The following THSD7B variants were observed in gnomAD, a reference collection of about 807,000 sequenced individuals.
THSD7B encodes the protein thrombospondin type 1 domain containing 7B.
In THSD7B, 138 loss-of-function variants were observed where a neutral mutation model predicts 213.6. That is an observed-to-expected ratio of 0.65 (90% confidence interval 0.56 to 0.74). The LOEUF (loss-of-function observed/expected upper bound fraction) is 0.74, where lower values mean the gene tolerates loss of function less well. Ranked by LOEUF, THSD7B falls within the 30% of genes least tolerant of loss-of-function variation. The pLI, the probability that THSD7B is intolerant of heterozygous loss-of-function variation, is 0.00. For missense variants in THSD7B, 1,931 were observed against 1,991.5 expected (o/e 0.97, Z 0.58); for synonymous variants, 742 against 687.0 (o/e 1.08, Z -1.25).
intron 12 of THSD7B, among the ~76,000 whole-genome samples, chr2:137,316,310 C>T (rs1684097847): frequency 6.6e-6 from 1 of 152,224 alleles, no homozygotes; most frequent in Non-Finnish European, 1.5e-5. Context: ...CCACAGTCCT[C>T]ATTTTGTGCT....
chr2:137,516,401 A>G (rs1680069341), intron 15 of THSD7B, among the ~76,000 whole-genome samples: 1 of 152,172 alleles, frequency 6.6e-6, no homozygotes, highest in African/African-American at 2.4e-5. Context: ...GGACCCCACT[A>G]CATTACCAAC....
intron 14 of THSD7B, among the ~76,000 whole-genome samples, chr2:137,417,896 T>C (rs1176551152): frequency 1.3e-5 from 2 of 152,200 alleles, no homozygotes; most frequent in Non-Finnish European, 2.9e-5. Context: ...AGAAACTTTT[T>C]AGTTATATGA....
rs907340685 is a variant in THSD7B, at chr2:137,094,902, C to T, written c.980C>T (p.Thr327Ile). 4 of 1,613,328 alleles carry T rather than the reference C, an allele frequency of 2.5e-6. No homozygotes were observed. The African/African-American group carries it at 4.0e-5, about 16-fold the overall frequency. The stretch of plus-strand genomic sequence containing the variant: ...TGCCTTCAAGATTCCTTCCCATTGA[C>T]TGTTCAGTCCTGCATCATGCCCAAA... ...SLCLQDSFPLTVQSCIMPKDC... is the reference protein window; with the variant it reads ...SLCLQDSFPLIVQSCIMPKDC... The change falls in exon 4 of 28, where the codon ACT becomes ATT. Residue 327 changes from threonine (T) to isoleucine (I), a missense_variant. Coordinates refer to ENST00000409968, the MANE Select transcript of THSD7B (RefSeq NM_001316349.2).
intron 2 of THSD7B, among the ~76,000 whole-genome samples, chr2:136,946,837 C>T (rs580144): frequency 6.6e-6 from 1 of 152,018 alleles, no homozygotes; most frequent in African/African-American, 2.4e-5. Context: ...AAGATGGTTG[C>T]AAAAGTGCAG....
intron 15 of THSD7B, among the ~76,000 whole-genome samples, chr2:137,468,240 A>G (rs1346325477): frequency 6.6e-6 from 1 of 152,126 alleles, no homozygotes; most frequent in African/African-American, 2.4e-5. Context: ...GAAAATTGTC[A>G]TTTAAGGAGA....
intron 2 of THSD7B, among the ~76,000 whole-genome samples, chr2:136,912,682 A>G (rs938209243): frequency 4.6e-5 from 7 of 152,110 alleles, no homozygotes; most frequent in Non-Finnish European, 1.0e-4. Context: ...GTGATAATGA[A>G]TAAGTCTCAC....
intron 2 of THSD7B, among the ~76,000 whole-genome samples, chr2:136,993,578 T>A (rs563516956): frequency 6.6e-6 from 1 of 152,252 alleles, no homozygotes; most frequent in African/African-American, 2.4e-5. Flanking sequence ...AGTACATCAG[T>A]ACATAGTACA....
chr2:137,485,214 G>A (rs2105111953), intron 15 of THSD7B, among the ~76,000 whole-genome samples: 1 of 132,882 alleles, frequency 7.5e-6, no homozygotes, highest in South Asian at 2.8e-4. Context: ...TGTAAGGAAG[G>A]GATCCAGTTT....
rs556669882 is a variant in THSD7B, at chr2:137,143,158, T to C, written c.1370-17055T>C. Among the ~76,000 whole-genome samples, 6 of 152,272 alleles carry C rather than the reference T, an allele frequency of 3.9e-5. No homozygotes were observed. In the East Asian group the frequency reaches 7.7e-4, roughly 20 times the overall value. On this transcript the variant is annotated intron_variant, in intron 5 of 27. Transcript: ENST00000409968. ...CAATTATGCCCTGGCTATGCCTGGC[T>C]TTTTCAGAATTTCTCAACACGTGCC...
At chr2:137,491,248 T>C (rs990431090) in intron 15 of THSD7B, among the ~76,000 whole-genome samples, 1 of 152,150 alleles carries the variant, frequency 6.6e-6, no homozygotes, top group Non-Finnish European at 1.5e-5. Context: ...AAATCGTTCC[T>C]TTTTTCCCCT....
intron 4 of THSD7B, among the ~76,000 whole-genome samples, chr2:137,109,959 T>G (rs1032593722): frequency 1.3e-5 from 2 of 152,144 alleles, no homozygotes; most frequent in African/African-American, 4.8e-5. Context: ...TCTGTGCTAT[T>G]TCTAGATGGT....
At chr2:137,517,193 C>G (rs1680086773) in intron 15 of THSD7B, among the ~76,000 whole-genome samples, 1 of 152,240 alleles carries the variant, frequency 6.6e-6, no homozygotes, top group South Asian at 2.1e-4. Flanking sequence ...CTTTACTGTC[C>G]TAGCTCAGGG....
chr2:137,540,982 T>C (rs1680600019), intron 15 of THSD7B, among the ~76,000 whole-genome samples: 1 of 151,546 alleles, frequency 6.6e-6, no homozygotes, highest in African/African-American at 2.4e-5. Context: ...AAGCAAAAAA[T>C]TGAAAACAAA....
At chr2:137,013,108 G>T (rs1318488737) in intron 2 of THSD7B, among the ~76,000 whole-genome samples, 1 of 152,146 alleles carries the variant, frequency 6.6e-6, no homozygotes, top group African/African-American at 2.4e-5. Flanking sequence ...TTAATTCTGT[G>T]AAATGTATAA....
At chr2:137,548,441 T>C (rs1680782066) in intron 15 of THSD7B, among the ~76,000 whole-genome samples, 1 of 152,100 alleles carries the variant, frequency 6.6e-6, no homozygotes, top group South Asian at 2.1e-4. Context: ...CATAGCAATG[T>C]CCTCCTTTCT....
At chr2:136,909,859 C>A (rs1362721748) in intron 2 of THSD7B, among the ~76,000 whole-genome samples, 1 of 152,090 alleles carries the variant, frequency 6.6e-6, no homozygotes, top group Admixed American at 6.6e-5. Context: ...GCTATTGTTA[C>A]TGTTTGGTTT....
chr2:137,359,060 T>G (rs1021015932), intron 12 of THSD7B, among the ~76,000 whole-genome samples: 2 of 152,350 alleles, frequency 1.3e-5, no homozygotes, highest in Non-Finnish European at 2.9e-5. Context: ...TCTCTTAATA[T>G]AGCCCACAAG....
At chr2:137,546,478 A>ATAAT (rs1491402224) in intron 15 of THSD7B, among the ~76,000 whole-genome samples, 9 of 55,614 alleles carry the variant, frequency 1.6e-4, no homozygotes, top group Admixed American at 6.7e-4. Flanking sequence ...ATATATATAT[A>ATAAT]ATATATATAT....
At chr2:137,170,670 A>G in intron 6 of THSD7B, 71 bp from the exon 7 acceptor site, 1 of 1,494,252 alleles carries the variant, frequency 6.7e-7, no homozygotes, top group Non-Finnish European at 9.1e-7. Flanking sequence ...TTCATCTCTC[A>G]CCCAGCTGCT....
Sources: allele counts gnomAD v4.1 joint callset (sites outside exome capture counted in the v4.1 genomes callset), GRCh38; gene constraint gnomAD v4.1.1; transcripts MANE v1.5; gene names NCBI Gene and HGNC (gene_info 2026-07-23, HGNC 2026-07-21).